The following FAM120C variants were observed in gnomAD, a reference collection of about 807,000 sequenced individuals.
FAM120C encodes family with sequence similarity 120 member C.
FAM120C carries 14 observed loss-of-function variants against 71.2 expected under a neutral mutation model. That is an observed-to-expected ratio of 0.20 (90% CI 0.13 to 0.31). The LOEUF is 0.31. Among genes scored for constraint, FAM120C ranks in the 10% least tolerant of loss-of-function variants. FAM120C has a pLI of 1.00. For missense variants in FAM120C, 500 were observed against 879.0 expected, an observed-to-expected ratio of 0.57 and a Z score of 5.45; for synonymous variants, 354 against 353.2, an observed-to-expected ratio of 1.00 and a Z score of -0.03.
intron 15 of FAM120C, among the ~76,000 whole-genome samples, chrX:54,077,742 G>A (rs1049879748): frequency 3.6e-5 from 4 of 110,539 alleles, no homozygotes; most frequent in East Asian, 2.8e-4. Flanking sequence ...ATGAGCTCAC[G>A]TGTTTGTAAG....
Position 54,135,014 on chromosome X carries a change from G to T in FAM120C, c.1433C>A (p.Ser478Tyr). 4 of 1,211,768 alleles carry T rather than the reference G, an allele frequency of 3.3e-6. No homozygotes were observed. The South Asian group carries it at 7.0e-5, about 21-fold the overall frequency. Residue 478 changes from serine to tyrosine, a missense_variant, in exon 7 of 16, where the codon TCC (serine) becomes TAC (tyrosine). Around this residue, in one of 11 missense-constraint regions of FAM120C, gnomAD observed 85 missense variants for 84.9 expected, o/e 1.00. Transcript: ENST00000375180. ...CATGGGATCCTCAGAAAAAGCATGG[G>T]ATTCCCCCAAAGCATGGGAGGAGAA... ...LLFSSHALGE[S>Y]HAFSEDPMLQ...
At chrX:54,177,174 C>T (rs1197293292) in intron 1 of FAM120C, among the ~76,000 whole-genome samples, 2 of 111,294 alleles carry the variant, frequency 1.8e-5, no homozygotes, top group East Asian at 5.6e-4. Flanking sequence ...TTGTGAAGGG[C>T]GCTGTCTGCC....
At chrX:54,129,903 G>C (rs782250069) in intron 9 of FAM120C, among the ~76,000 whole-genome samples, 54 of 109,715 alleles carry the variant, frequency 4.9e-4, no homozygotes, top group Admixed American at 3.7e-3. Flanking sequence ...GCCTGCAATC[G>C]CAGGCACTCG....
Position 54,132,557 on chromosome X carries a change from G to A in FAM120C, c.2062+135C>T, listed in dbSNP as rs2067073495. ...TGGGGCTTAAGTTAATGTATTCCCA[G>A]TATCAGTATGCATTTTGTTGAATGT... is the stretch of plus-strand genomic sequence containing the variant. On this transcript the variant is annotated intron_variant, in intron 9 of 15. Coordinates refer to ENST00000375180, the MANE Select transcript of FAM120C (RefSeq NM_017848.6). The A allele has an allele frequency of 4.0e-5, 18 of 451,470 alleles. No individual in the cohort carries two copies. The South Asian group carries it at 7.7e-4, about 19-fold the overall frequency. 37.2% of individuals were successfully genotyped at this position (451,470 alleles called of 1,213,427 possible).
At chrX:54,154,237 T>G in intron 3 of FAM120C, among the ~76,000 whole-genome samples, 1 of 105,846 alleles carries the variant, frequency 9.4e-6, no homozygotes, top group Non-Finnish European at 1.9e-5. Flanking sequence ...CTGATGGTAT[T>G]TGCTGACAAA....
chrX:54,157,564 A>C, intron 3 of FAM120C, 125 bp downstream of exon 3: 1 of 519,323 alleles, frequency 1.9e-6, no homozygotes, highest in Non-Finnish European at 3.2e-6. Flanking sequence ...GGCCATAACT[A>C]ATATTTTTTT....
chrX:54,142,582 G>A (rs2067131476), intron 4 of FAM120C, among the ~76,000 whole-genome samples: 1 of 112,039 alleles, frequency 8.9e-6, no homozygotes, highest in Admixed American at 9.5e-5. Flanking sequence ...GGTAAACGAA[G>A]CCACCCAGAA....
At position 54,073,113 on chromosome X, in the gene FAM120C, A is replaced by G. The variant is rs782018750; in HGVS notation, c.3211T>C (p.Tyr1071His). The G allele has an allele frequency of 3.6e-5, 43 of 1,208,944 alleles. No homozygotes were observed. Among genetic ancestry groups the G allele is most frequent in the Middle Eastern group, 2.3e-4 (1 of 4,374 alleles). The change falls in exon 16 of 16, where the codon TAC (tyrosine) becomes CAC (histidine). Residue 1071 changes from tyrosine to histidine, a missense_variant. Tyr to His is a moderately conservative substitution (Grantham distance 83, BLOSUM62 2). Transcript: ENST00000375180. ...TTCTCCCTATTATTCATAGGGAGGT[A>G]GCGGTTACCATTATTACACTCATTG... ...DSNECNNGNR[Y>H]LPMNNREKNH...
At chrX:54,153,375 T>A (rs1001870898) in intron 3 of FAM120C, among the ~76,000 whole-genome samples, 1 of 109,200 alleles carries the variant, frequency 9.2e-6, no homozygotes, top group Non-Finnish European at 1.9e-5. Flanking sequence ...TGGTAAGGAT[T>A]TGGAGAGTGA....
chrX:54,135,421 T>C (rs1262390544), intron 6 of FAM120C, 107 bp downstream of exon 6: 6 of 693,905 alleles, frequency 8.6e-6, no homozygotes, highest in African/African-American at 2.2e-5. Flanking sequence ...ATAGTATATA[T>C]AGCCCTGACA....
chrX:54,081,497 T>G (rs1557121297), intron 13 of FAM120C, 37 bp from the exon 14 acceptor site: 1 of 1,182,674 alleles, frequency 8.5e-7, no homozygotes, highest in South Asian at 1.9e-5. Flanking sequence ...ATGGGCCAGG[T>G]GTGGTGGTTC....
chrX:54,091,249 A>G, intron 11 of FAM120C, 63 bp downstream of exon 11: 1 of 761,782 alleles, frequency 1.3e-6, no homozygotes, highest in Non-Finnish European at 1.9e-6. Flanking sequence ...GAAAAAAAAA[A>G]GACCTAAAGT....
At position 54,085,582 on chromosome X, in the gene FAM120C, C is replaced by T. The variant is rs1473057299; in HGVS notation, c.2839+133G>A. ...AGCCTGGGCGACAAGAGTGAAACTC[C>T]GTCTAAAAAAAAAAAAAAGTCAATG... On this transcript the variant is annotated intron_variant, in intron 13 of 15. Coordinates refer to ENST00000375180, the MANE Select transcript of FAM120C (RefSeq NM_017848.6). 8.4e-6 allele frequency: 5 copies of T among 596,936 alleles called. No individual in the cohort carries two copies. In the African/African-American group the frequency reaches 9.5e-5, roughly 11 times the overall value. The allele number at this position is 596,936 out of a possible 1,213,427, so 49.2% of individuals were successfully genotyped here. A position where few individuals can be genotyped will look rare whatever the true frequency, so the allele number is the denominator to read the frequency against.
intron 10 of FAM120C, among the ~76,000 whole-genome samples, chrX:54,104,376 T>C (rs1482810013): frequency 8.9e-6 from 1 of 112,233 alleles, no homozygotes; most frequent in African/African-American, 3.2e-5. Context: ...ACTTCAATGT[T>C]CCTACCTGGT....
chrX:54,101,520 C>T (rs1557124150), intron 10 of FAM120C, among the ~76,000 whole-genome samples: 2 of 112,324 alleles, frequency 1.8e-5, no homozygotes, highest in African/African-American at 6.5e-5. Context: ...CATGACAAGG[C>T]TGTGAATTTT....
chrX:54,158,585 A>G (rs782607749), intron 2 of FAM120C, among the ~76,000 whole-genome samples: 2 of 111,520 alleles, frequency 1.8e-5, no homozygotes, highest in Admixed American at 1.9e-4. Context: ...CCTGACCAAC[A>G]TCGTGAAACC....
intron 3 of FAM120C, among the ~76,000 whole-genome samples, chrX:54,152,094 T>C (rs1176523762): frequency 9.2e-6 from 1 of 108,778 alleles, no homozygotes. Context: ...CTCGGCTCAA[T>C]GCAACCTCTG....
chrX:54,123,895 T>G (rs2146598841), intron 9 of FAM120C, among the ~76,000 whole-genome samples: 1 of 91,616 alleles, frequency 1.1e-5, no homozygotes, highest in South Asian at 6.2e-4. Context: ...AGATGGGTTT[T>G]CGGTGTAGAT....
intron 1 of FAM120C, among the ~76,000 whole-genome samples, chrX:54,176,799 T>C (rs1219153151): frequency 1.8e-5 from 2 of 112,101 alleles, no homozygotes; most frequent in African/African-American, 3.2e-5. Flanking sequence ...GCAAACATTA[T>C]TTTATATATG....
Sources: allele counts gnomAD v4.1 joint callset (sites outside exome capture counted in the v4.1 genomes callset), GRCh38; gene constraint gnomAD v4.1.1; regional missense constraint gnomAD v4.1.1; transcripts MANE v1.5; gene names NCBI Gene and HGNC (gene_info 2026-07-23, HGNC 2026-07-21).